FAT3: variants seen among roughly 807,000 people sequenced by gnomAD.
The protein encoded by FAT3 is FAT atypical cadherin 3.
A neutral mutation model predicts 310.2 loss-of-function variants in FAT3; 95 were observed. That is an observed-to-expected ratio of 0.31 (90% CI 0.26 to 0.36). The LOEUF (loss-of-function observed/expected upper bound fraction) is 0.36. FAT3 is among the 10% of genes least tolerant of loss of function. FAT3 has a pLI of 1.00. For synonymous variants in FAT3, 2,314 were observed against 2,192.9 expected (o/e 1.06, Z -1.54); for missense variants, 5,408 against 5,715.6 (o/e 0.95, Z 1.74).
intron 3 of FAT3, among the ~76,000 whole-genome samples, chr11:92,662,076 A>G (rs1942803532): frequency 6.6e-6 from 1 of 152,226 alleles, no homozygotes; most frequent in African/African-American, 2.4e-5. Flanking sequence ...AGATTAACAT[A>G]CCAGACCAGA....
At chr11:92,339,929 A>G (rs1948200503) in intron 1 of FAT3, among the ~76,000 whole-genome samples, 1 of 151,950 alleles carries the variant, frequency 6.6e-6, no homozygotes, top group Middle Eastern at 3.2e-3. Context: ...TGGCTAACAC[A>G]GTGAAACCCC....
chr11:92,473,423 CT>C (rs1221368168), intron 2 of FAT3, among the ~76,000 whole-genome samples: 1 of 152,136 alleles, frequency 6.6e-6, no homozygotes, highest in Non-Finnish European at 1.5e-5. Flanking sequence ...AGCATTTCAT[CT>C]TTTTTCTTTG....
At chr11:92,751,720 A>C (rs943652418) in intron 4 of FAT3, among the ~76,000 whole-genome samples, 1 of 152,152 alleles carries the variant, frequency 6.6e-6, no homozygotes, top group Non-Finnish European at 1.5e-5. Context: ...GAAGTGCTCA[A>C]TGTTGATCCA....
At position 92,895,768 on chromosome 11, in the gene FAT3, T is replaced by C. The variant is rs1029425603; in HGVS notation, c.*4655T>C. The C allele has an allele frequency of 6.6e-6, 1 of 152,202 alleles. No individual in the cohort carries two copies. Among genetic ancestry groups the C allele is most frequent in the Non-Finnish European group, 1.5e-5 (1 of 68,032 alleles). 9.4% of individuals were successfully genotyped at this position (152,202 alleles called of 1,614,324 possible). A position where few individuals can be genotyped will look rare whatever the true frequency, so the allele number is the denominator to read the frequency against. On this transcript the variant is annotated 3_prime_UTR_variant, in exon 28 of 28. Transcript: ENST00000525166. ...TTGTAAAAGATGTATGTTTTGGTGT[T>C]TGAAATGTTTATAAAATTGTATATA...
At position 92,354,137 on chromosome 11, in the gene FAT3, A is replaced by G. The variant is rs746162335; in HGVS notation, c.2025A>G (p.Lys675=). The change falls in exon 2 of 28, where the codon AAA becomes AAG. Residue 675 remains lysine (K), a synonymous_variant. Transcript: ENST00000525166. ...MSINISVLHG[K]VSSKSFSCRE... is the part of the protein sequence containing the mutation. The stretch of plus-strand genomic sequence containing the variant: ...TTAACATTTCAGTCCTACATGGGAA[A>G]GTGTCTTCAAAGAGCTTCAGTTGCA... 6 of 1,613,760 alleles carry G rather than the reference A, an allele frequency of 3.7e-6. No individual in the cohort carries two copies. The highest frequency in any genetic ancestry group is 1.6e-4 in the Middle Eastern group (1 of 6,082).
intron 22 of FAT3, among the ~76,000 whole-genome samples, chr11:92,877,512 C>A (rs1295371212): frequency 1.3e-5 from 2 of 152,224 alleles, no homozygotes; most frequent in East Asian, 3.9e-4. Context: ...CTGAAACTCA[C>A]AACCACCCCT....
At chr11:92,645,979 G>A (rs879439366) in intron 3 of FAT3, among the ~76,000 whole-genome samples, 4 of 152,086 alleles carry the variant, frequency 2.6e-5, no homozygotes, top group African/African-American at 7.2e-5. Context: ...TTATCCAATC[G>A]CTTCAACAAA....
At chr11:92,366,481 C>T in intron 2 of FAT3, 2 of 433,390 alleles carry the variant, frequency 4.6e-6, no homozygotes, top group South Asian at 3.5e-5. Flanking sequence ...GGGACAGTAG[C>T]TTGCCCGCCA....
intron 3 of FAT3, among the ~76,000 whole-genome samples, chr11:92,614,811 C>A (rs1315287964): frequency 2.0e-5 from 3 of 152,146 alleles, no homozygotes; most frequent in African/African-American, 4.8e-5. Flanking sequence ...AAGATTTAAT[C>A]TTATATTTTC....
chr11:92,488,499 C>T (rs976706039), intron 2 of FAT3, among the ~76,000 whole-genome samples: 5 of 125,984 alleles, frequency 4.0e-5, no homozygotes, highest in South Asian at 3.0e-4. Context: ...CTCAGTAGAC[C>T]TGGCACAATA....
At chr11:92,424,336 T>C in intron 2 of FAT3, among the ~76,000 whole-genome samples, 1 of 152,304 alleles carries the variant, frequency 6.6e-6, no homozygotes, top group Middle Eastern at 3.4e-3. Context: ...TGTTTTAATA[T>C]TTTACATAAT....
intron 1 of FAT3, among the ~76,000 whole-genome samples, chr11:92,275,767 G>A (rs1424803475): frequency 1.3e-5 from 2 of 152,130 alleles, no homozygotes; most frequent in African/African-American, 2.4e-5. Context: ...TCATTTGGAT[G>A]ATAATGATTC....
intron 3 of FAT3, among the ~76,000 whole-genome samples, chr11:92,612,847 G>C (rs915955640): frequency 6.6e-6 from 1 of 152,156 alleles, no homozygotes; most frequent in Non-Finnish European, 1.5e-5. Context: ...TGTGGAGGTA[G>C]AACCCTGAAA....
At chr11:92,373,380 A>G (rs1327795874) in intron 2 of FAT3, among the ~76,000 whole-genome samples, 1 of 152,148 alleles carries the variant, frequency 6.6e-6, no homozygotes, top group African/African-American at 2.4e-5. Context: ...CAGAACTACT[A>G]ACAGAGCCAA....
chr11:92,882,825 C>T lies in FAT3; in HGVS notation c.12369C>T (p.Asn4123=), dbSNP rs749876103. The T allele has an allele frequency of 3.8e-5, 62 of 1,611,758 alleles. No homozygotes were observed. The highest frequency in any genetic ancestry group is 5.1e-5 in the Non-Finnish European group (60 of 1,179,266). ...ACGTGTTCGGCTCCTTCCTCTGCAA[C>T]TGCACGCCGGGCTACGTGGGCCAGT... is the stretch of plus-strand genomic sequence containing the variant. ...CVNVFGSFLC[N]CTPGYVGQYC... is the part of the protein sequence containing the mutation. Residue 4123 remains asparagine, a synonymous_variant, in exon 24 of 28, where the codon AAC becomes AAT. Coordinates refer to ENST00000525166, the MANE Select transcript of FAT3 (RefSeq NM_001367949.2).
At chr11:92,228,598 G>C (rs1257517088) in intron 1 of FAT3, among the ~76,000 whole-genome samples, 2 of 152,346 alleles carry the variant, frequency 1.3e-5, no homozygotes, top group African/African-American at 4.8e-5. Flanking sequence ...ATAGAAAGAA[G>C]TAGGCAATTA....
At chr11:92,742,659 T>C (rs777692191) in intron 4 of FAT3, among the ~76,000 whole-genome samples, 73 of 152,198 alleles carry the variant, frequency 4.8e-4, no homozygotes, top group South Asian at 8.3e-4. Flanking sequence ...CCTCTCTTGC[T>C]TTTGTCCTTC....
intron 2 of FAT3, among the ~76,000 whole-genome samples, chr11:92,514,573 G>T (rs1227318943): frequency 6.6e-6 from 1 of 152,140 alleles, no homozygotes; most frequent in African/African-American, 2.4e-5. Flanking sequence ...GAAGCTCATT[G>T]TAGATGGTTT....
chr11:92,441,240 C>G (rs986311845), intron 2 of FAT3, among the ~76,000 whole-genome samples: 3 of 152,202 alleles, frequency 2.0e-5, no homozygotes, highest in Admixed American at 6.5e-5. Context: ...ATCTTAGACT[C>G]TAGAACTATT....
Sources: gnomAD v4.1 joint callset for allele counts (sites outside exome capture counted in the v4.1 genomes callset) on GRCh38, gnomAD v4.1.1 for gene constraint, MANE v1.5 for transcripts, NCBI Gene and HGNC (gene_info 2026-07-23, HGNC 2026-07-21) for gene names.